TAF15: variants seen among roughly 807,000 people sequenced by gnomAD.
TAF15 encodes the protein TATA-box binding protein associated factor 15, also known as TATA-binding protein-associated factor 2N.
In TAF15, 37 loss-of-function variants were observed where a neutral mutation model predicts 102.5. The observed-to-expected ratio is 0.36, with a 90% CI of 0.28 to 0.47. The LOEUF is 0.47. Among genes scored for constraint, TAF15 ranks in the 20% least tolerant of loss-of-function variants. TAF15 has a pLI of 0.99. For missense variants in TAF15, 652 were observed against 760.7 expected (o/e 0.86, Z 1.68); for synonymous variants, 273 against 259.2 (o/e 1.05, Z -0.51).
In TAF15 at chr17:35,830,522, A is replaced by C. The variant is rs77082220; in HGVS notation, c.606-3385A>C. Reference sequence around the variant, plus strand: ...CTTAGCATGTAGAAAAGGGACTTGTAACATTAATGCAGATTTGAAAGAAAG... The same window carrying C: ...CTTAGCATGTAGAAAAGGGACTTGTCACATTAATGCAGATTTGAAAGAAAG... On this transcript the variant is annotated intron_variant, in intron 7 of 15. Coordinates refer to ENST00000605844, the MANE Select transcript of TAF15 (RefSeq NM_139215.3). Among the ~76,000 whole-genome samples the C allele has an allele frequency of 1.7e-3, 254 of 152,322 alleles. 3 individuals carry two copies. Among genetic ancestry groups the C allele is most frequent in the African/African-American group, 5.9e-3 (246 of 41,568 alleles).
At chr17:35,843,500 C>T (rs2087572679) in intron 12 of TAF15, among the ~76,000 whole-genome samples, 1 of 152,082 alleles carries the variant, frequency 6.6e-6, no homozygotes, top group African/African-American at 2.4e-5. Context: ...TTACTGTGGC[C>T]TTTGCATTCA....
Position 35,844,677 on chromosome 17 carries a change from G to T in TAF15, c.1378G>T (p.Gly460Cys). The change falls in exon 15 of 16, where the codon GGC (glycine) becomes TGC (cysteine). Residue 460 changes from glycine (G) to cysteine (C), a missense_variant. This residue lies in a region of TAF15 where 368 missense variants were observed against 367.5 expected (regional missense o/e 1.00). Transcript: ENST00000605844. Reference protein sequence around the residue: ...RSGGGYGGDRGGGYGGDRGGG... With the variant: ...RSGGGYGGDRCGGYGGDRGGG... ...TGGGGGTGGCTATGGTGGGGACAGA[G>T]GCGGCGGCTATGGTGGGGACAGAGG... is the stretch of plus-strand genomic sequence containing the variant. The T allele has an allele frequency of 6.2e-7, 1 of 1,602,688 alleles. No individual in the cohort carries two copies. Among genetic ancestry groups the T allele is most frequent in the East Asian group, 2.2e-5 (1 of 44,496 alleles).
intron 7 of TAF15, among the ~76,000 whole-genome samples, chr17:35,833,144 G>A (rs899647568): frequency 3.4e-5 from 5 of 147,884 alleles, no homozygotes; most frequent in African/African-American, 5.1e-5. Context: ...GTGACAGAGC[G>A]AGACTCTGTC....
At chr17:35,833,188 A>G (rs2087428136) in intron 7 of TAF15, among the ~76,000 whole-genome samples, 2 of 151,908 alleles carry the variant, frequency 1.3e-5, no homozygotes, top group African/African-American at 2.4e-5. Flanking sequence ...TGTTTGGAAT[A>G]TGTTGCCTGC....
chr17:35,841,292 A>C (rs985020558), intron 11 of TAF15, among the ~76,000 whole-genome samples: 10 of 152,252 alleles, frequency 6.6e-5, no homozygotes, highest in Admixed American at 4.6e-4. Flanking sequence ...GGCAATGCAT[A>C]TAAGCATATG....
At chr17:35,834,702 T>C in intron 9 of TAF15, 104 bp downstream of exon 9, 1 of 1,060,600 alleles carries the variant, frequency 9.4e-7, no homozygotes, top group Non-Finnish European at 1.4e-6. Context: ...GAGGAAGATT[T>C]AATTTGATAG....
intron 11 of TAF15, 99 bp downstream of exon 11, chr17:35,838,652 T>C: frequency 6.4e-7 from 1 of 1,565,980 alleles, no homozygotes; most frequent in Non-Finnish European, 8.7e-7. Flanking sequence ...ATATTCATGT[T>C]TACTTTTGCA....
At chr17:35,833,317 T>C (rs1568267864) in intron 7 of TAF15, among the ~76,000 whole-genome samples, 1 of 152,202 alleles carries the variant, frequency 6.6e-6, no homozygotes, top group African/African-American at 2.4e-5. Flanking sequence ...TTTTAAGTGA[T>C]GCTCTTTTAG....
rs201725844 is a variant in TAF15, at chr17:35,817,719, C to T, written c.11C>T (p.Ser4Phe). The T allele has an allele frequency of 1.2e-6, 2 of 1,613,086 alleles. No individual in the cohort carries two copies. Among genetic ancestry groups the T allele is most frequent in the East Asian group, 4.5e-5 (2 of 44,880 alleles). ...AAATTCTTTTTATGTGTTCTAGATT[C>T]TGGAAGTTACGGTCAGTCTGGGGGT... is the stretch of plus-strand genomic sequence containing the variant. MSD[S>F]GSYGQSGGEQ... The change falls in exon 2 of 16, where the codon TCT becomes TTT. Residue 4 changes from serine (S) to phenylalanine (F), a missense_variant. Ser to Phe is a radical substitution (Grantham distance 155). Coordinates refer to ENST00000605844, the MANE Select transcript of TAF15 (RefSeq NM_139215.3).
Position 35,809,531 on chromosome 17 carries a change from T to C in TAF15, c.-39T>C, listed in dbSNP as rs200754315. 2 of 1,612,568 alleles carry C rather than the reference T, an allele frequency of 1.2e-6. No individual in the cohort carries two copies. The highest frequency in any genetic ancestry group is 1.7e-6 in the Non-Finnish European group (2 of 1,179,668). ...CGCCTGGCTTTCGTATTCGTTGTTCTCGGCGGGCTGTGGGGCCTCCGCGCC... is the reference window on the plus strand; with the variant it reads ...CGCCTGGCTTTCGTATTCGTTGTTCCCGGCGGGCTGTGGGGCCTCCGCGCC... On this transcript the variant is annotated 5_prime_UTR_variant, in exon 1 of 16. Transcript: ENST00000605844.
At chr17:35,831,956 C>T (rs1023362678) in intron 7 of TAF15, among the ~76,000 whole-genome samples, 2 of 151,982 alleles carry the variant, frequency 1.3e-5, no homozygotes, top group Admixed American at 6.5e-5. Flanking sequence ...GTGGCGCCTG[C>T]AGTCCCAGCT....
chr17:35,840,353 G>A (rs562264532), intron 11 of TAF15, among the ~76,000 whole-genome samples: 26 of 144,516 alleles, frequency 1.8e-4, no homozygotes, highest in Non-Finnish European at 2.1e-4. Context: ...CTGGGTTCAC[G>A]CCATTCTCCT....
intron 11 of TAF15, among the ~76,000 whole-genome samples, chr17:35,841,696 CTT>C (rs549802660): frequency 1.8e-4 from 24 of 135,114 alleles, no homozygotes; most frequent in Admixed American, 3.0e-4. Context: ...TCACGCCCAG[CTT>C]TTTTTTTTTT....
At chr17:35,834,749 T>TTTTTTTTTC in intron 9 of TAF15, 151 bp downstream of exon 9, 1 of 691,488 alleles carries the variant, frequency 1.4e-6, no homozygotes, top group African/African-American at 2.1e-5. Context: ...TCTTTTTTTT[T>TTTTTTTTTC]TTTTTTTTTT....
At chr17:35,810,818 A>G (rs570588800) in intron 1 of TAF15, 13 of 152,362 alleles carry the variant, frequency 8.5e-5, no homozygotes, top group African/African-American at 2.9e-4. Context: ...AGCATGCTAT[A>G]CATTACTTAG....
chr17:35,813,339 T>C (rs1040471737), intron 1 of TAF15, among the ~76,000 whole-genome samples: 3 of 151,966 alleles, frequency 2.0e-5, no homozygotes, highest in South Asian at 4.1e-4. Flanking sequence ...GGATAAGATA[T>C]GAAAATGAAA....
chr17:35,844,552 A>G lies in TAF15; in HGVS notation c.1253A>G (p.Tyr418Cys), dbSNP rs1276245309. 1 of 1,596,564 alleles carries G rather than the reference A, an allele frequency of 6.3e-7. No homozygotes were observed. Among genetic ancestry groups the G allele is most frequent in the Non-Finnish European group, 8.5e-7 (1 of 1,171,534 alleles). ...RGGRGGDRGG[Y>C]GGDRSGGGYG... ...GGCAGAGGTGGAGACCGAGGCGGCT[A>G]TGGTGGAGACAGAAGTGGGGGTGGC... The change falls in exon 15 of 16, where the codon TAT becomes TGT. Residue 418 changes from tyrosine to cysteine, a missense_variant. Coordinates refer to ENST00000605844, the MANE Select transcript of TAF15 (RefSeq NM_139215.3).
At chr17:35,817,948 A>C (rs1375769815) in intron 2 of TAF15, among the ~76,000 whole-genome samples, 193 bp downstream of exon 2, 1 of 152,162 alleles carries the variant, frequency 6.6e-6, no homozygotes, top group Non-Finnish European at 1.5e-5. Flanking sequence ...TTTGAGACAG[A>C]GTCTTGCTGT....
chr17:35,826,558 A>ATT (rs551894376), intron 7 of TAF15, among the ~76,000 whole-genome samples: 13 of 136,788 alleles, frequency 9.5e-5, no homozygotes, highest in Admixed American at 2.9e-4. Flanking sequence ...AGTTCATATA[A>ATT]TTTTTTTTTT....
Sources: gnomAD v4.1 joint callset for allele counts (sites outside exome capture counted in the v4.1 genomes callset) on GRCh38, gnomAD v4.1.1 for gene constraint, gnomAD v4.1.1 regional missense constraint, MANE v1.5 for transcripts, NCBI Gene and HGNC (gene_info 2026-07-23, HGNC 2026-07-21) for gene names.